ELOVL2: variants seen among roughly 807,000 people sequenced by gnomAD.
ELOVL2 encodes very long chain fatty acid elongase 2.
ELOVL2 carries 38 observed loss-of-function variants against 37.7 expected under a neutral mutation model. That is an observed-to-expected ratio of 1.01 (90% confidence interval 0.78 to 1.32). ELOVL2 has a LOEUF of 1.32. Among genes scored for constraint, ELOVL2 ranks in the 40% most tolerant of loss-of-function variants. ELOVL2 has a pLI of 0.00. For synonymous variants in ELOVL2, 115 were observed against 122.3 expected (o/e 0.94, Z 0.40); for missense variants, 352 against 363.6 (o/e 0.97, Z 0.26).
intron 5 of ELOVL2, among the ~76,000 whole-genome samples, chr6:10,991,323 G>A (rs1782154600): frequency 6.6e-6 from 1 of 152,224 alleles, no homozygotes; most frequent in South Asian, 2.1e-4. Flanking sequence ...ATGCTCTTCA[G>A]CTGTCAGCCT....
intron 3 of ELOVL2, 55 bp downstream of exon 3, chr6:11,005,317 T>C: frequency 9.3e-6 from 14 of 1,505,004 alleles, no homozygotes; most frequent in African/African-American, 2.8e-5. Flanking sequence ...TGGTTGTTTC[T>C]GTTAATAAAA....
At position 11,000,669 on chromosome 6, in the gene ELOVL2, TAATC is replaced by T. The variant is rs1782364584; in HGVS notation, c.256-509_256-506del. On this transcript the variant is annotated intron_variant, in intron 3 of 7. Transcript: ENST00000354666. ...TCTTCACTGTATTTATGCTACTTGGTAATCAAACAATTTGGTGGTTAATTGATTA... is the reference window on the plus strand; with the variant it reads ...TCTTCACTGTATTTATGCTACTTGGTAAACAATTTGGTGGTTAATTGATTA... 4.6e-5 allele frequency among the ~76,000 whole-genome samples: 7 copies of T among 152,380 alleles called. No individual in the cohort carries two copies. The South Asian group carries it at 1.5e-3, about 32-fold the overall frequency.
At chr6:11,039,088 T>C (rs1783060256) in intron 1 of ELOVL2, among the ~76,000 whole-genome samples, 1 of 152,208 alleles carries the variant, frequency 6.6e-6, no homozygotes, top group Non-Finnish European at 1.5e-5. Context: ...TAAAGCTCTC[T>C]GGGGGAAAGA....
At chr6:11,013,382 G>A (rs553344692) in intron 1 of ELOVL2, among the ~76,000 whole-genome samples, 8 of 152,294 alleles carry the variant, frequency 5.3e-5, no homozygotes, top group African/African-American at 1.9e-4. Flanking sequence ...GTGAGATTAG[G>A]AAGGCTAACT....
chr6:11,024,540 A>G (rs1782813194), intron 1 of ELOVL2, among the ~76,000 whole-genome samples: 1 of 152,218 alleles, frequency 6.6e-6, no homozygotes, highest in African/African-American at 2.4e-5. Context: ...GTATTACTGA[A>G]TAAAATCATC....
chr6:10,990,673 C>CCG (rs3066153), intron 5 of ELOVL2, among the ~76,000 whole-genome samples: 73,194 of 150,634 alleles, frequency 0.49, 18,692 homozygotes, highest in East Asian at 0.9. Flanking sequence ...GAATGCCCCC[C>CCG]CCCCGCCACA....
chr6:11,013,367 C>G (rs1012444578), intron 1 of ELOVL2, among the ~76,000 whole-genome samples: 1 of 152,088 alleles, frequency 6.6e-6, no homozygotes, highest in African/African-American at 2.4e-5. Context: ...TGTTAGTGAA[C>G]TGGGGTGAGA....
chr6:11,001,171 G>A (rs1782373440), intron 3 of ELOVL2, among the ~76,000 whole-genome samples: 1 of 152,184 alleles, frequency 6.6e-6, no homozygotes, highest in South Asian at 2.1e-4. Flanking sequence ...TTGTTAGAGA[G>A]AGAGAGATTA....
chr6:11,041,439 T>C (rs1783096120), intron 1 of ELOVL2, among the ~76,000 whole-genome samples: 1 of 152,208 alleles, frequency 6.6e-6, no homozygotes. Context: ...CTGGATACTT[T>C]AAAAATTGAT....
At chr6:11,033,368 T>C (rs74474112) in intron 1 of ELOVL2, among the ~76,000 whole-genome samples, 16 of 152,326 alleles carry the variant, frequency 1.1e-4, no homozygotes, top group African/African-American at 3.4e-4. Context: ...AGGATTTTCA[T>C]AACTGAAATA....
chr6:10,990,179 T>TTAA (rs1782127184), intron 6 of ELOVL2, 139 bp downstream of exon 6: 1 of 1,038,630 alleles, frequency 9.6e-7, no homozygotes, highest in African/African-American at 1.6e-5. Context: ...CACAAAAAGT[T>TTAA]TAATTCTTAA....
At chr6:11,016,888 T>C (rs921061483) in intron 1 of ELOVL2, among the ~76,000 whole-genome samples, 4 of 152,202 alleles carry the variant, frequency 2.6e-5, no homozygotes, top group African/African-American at 9.7e-5. Flanking sequence ...TCACACAATA[T>C]GTATCTGTGC....
At chr6:11,015,318 C>T (rs1400889781) in intron 1 of ELOVL2, among the ~76,000 whole-genome samples, 1 of 152,106 alleles carries the variant, frequency 6.6e-6, no homozygotes, top group East Asian at 1.9e-4. Context: ...GCTAAAGATG[C>T]TCTTCATGCC....
chr6:11,019,346 C>A (rs976325756), intron 1 of ELOVL2, among the ~76,000 whole-genome samples: 1 of 152,202 alleles, frequency 6.6e-6, no homozygotes, highest in Admixed American at 6.5e-5. Flanking sequence ...AATTTTGGCA[C>A]CTTTATTCAG....
rs35799154 is a variant in ELOVL2, at chr6:11,037,539, TAA to T, written c.3+6687_3+6688del. Reference sequence around the variant, plus strand: ...TGTTTGAATACTACACTCGTTCTACTAAAAAAAAAAAAAAAAAGTGATGGCCT... The same window carrying T: ...TGTTTGAATACTACACTCGTTCTACTAAAAAAAAAAAAAAAGTGATGGCCT... On this transcript the variant is annotated intron_variant, in intron 1 of 7. Coordinates refer to ENST00000354666, the MANE Select transcript of ELOVL2 (RefSeq NM_017770.4). 2.8e-3 allele frequency among the ~76,000 whole-genome samples: 384 copies of T among 138,932 alleles called. 1 individual carries two copies. Among genetic ancestry groups the T allele is most frequent in the East Asian group, 6.7e-3 (33 of 4,916 alleles). The allele number at this position is 138,932 out of a possible 152,430, so 91.1% of individuals were successfully genotyped here.
At chr6:11,025,330 T>C (rs1304512054) in intron 1 of ELOVL2, among the ~76,000 whole-genome samples, 1 of 152,148 alleles carries the variant, frequency 6.6e-6, no homozygotes, top group Non-Finnish European at 1.5e-5. Context: ...GTATGCTAAT[T>C]TTTTTAGCTT....
At chr6:11,004,621 C>A (rs917248675) in intron 3 of ELOVL2, among the ~76,000 whole-genome samples, 1 of 152,054 alleles carries the variant, frequency 6.6e-6, no homozygotes, top group African/African-American at 2.4e-5. Context: ...GTCAGTGTTC[C>A]AAAGACATAC....
intron 1 of ELOVL2, among the ~76,000 whole-genome samples, chr6:11,026,125 T>A (rs913329380): frequency 6.6e-6 from 1 of 152,162 alleles, no homozygotes; most frequent in Non-Finnish European, 1.5e-5. Context: ...GGCTTCCCCT[T>A]TGCTAGTGCT....
At chr6:11,030,853 A>AT in intron 1 of ELOVL2, among the ~76,000 whole-genome samples, 1 of 152,274 alleles carries the variant, frequency 6.6e-6, no homozygotes, top group South Asian at 2.1e-4. Context: ...ATGAAACACA[A>AT]CTGATAAAGT....
Sources: gnomAD v4.1 joint callset for allele counts (sites outside exome capture counted in the v4.1 genomes callset) on GRCh38, gnomAD v4.1.1 for gene constraint, MANE v1.5 for transcripts, NCBI Gene and HGNC (gene_info 2026-07-23, HGNC 2026-07-21) for gene names.